Variants in SLC44A5 observed in about 807,000 individuals in gnomAD.
SLC44A5 encodes choline transporter-like protein 5.
In SLC44A5, 57 loss-of-function variants were observed where a neutral mutation model predicts 101.8. That is an observed-to-expected ratio of 0.56 (90% CI 0.45 to 0.70). SLC44A5 has a LOEUF of 0.70. SLC44A5 is among the 30% of genes least tolerant of loss of function. The probability of loss-of-function intolerance (pLI) is 0.00; values close to 1 mark genes in which losing one functional copy is unlikely to be tolerated. For synonymous variants in SLC44A5, 281 were observed against 290.9 expected (o/e 0.97, Z 0.35); for missense variants, 737 against 853.1 (o/e 0.86, Z 1.70).
At chr1:75,217,226 G>C (rs565003346) in intron 18 of SLC44A5, among the ~76,000 whole-genome samples, 1 of 152,032 alleles carries the variant, frequency 6.6e-6, no homozygotes, top group Non-Finnish European at 1.5e-5. Context: ...CCATTGAATG[G>C]TCTTATATGT....
chr1:75,302,335 A>G (rs997686843), intron 4 of SLC44A5, among the ~76,000 whole-genome samples: 3 of 151,926 alleles, frequency 2.0e-5, no homozygotes, highest in African/African-American at 7.3e-5. Flanking sequence ...CTTTAATTAG[A>G]AATCTTGCAT....
the SLC44A5 span, among the ~76,000 whole-genome samples, chr1:75,703,499 C>T: frequency 5.9e-5 from 8 of 135,244 alleles, no homozygotes; most frequent in South Asian, 2.6e-4. Flanking sequence ...CATCGCACAG[C>T]GGGGCCTGTT....
At chr1:75,685,873 G>A in the SLC44A5 span, among the ~76,000 whole-genome samples, 2 of 152,142 alleles carry the variant, frequency 1.3e-5, no homozygotes, top group Non-Finnish European at 2.9e-5. Flanking sequence ...ACATGAGACT[G>A]GGTAATTTAT....
At chr1:75,337,863 A>T (rs1389753100) in intron 4 of SLC44A5, among the ~76,000 whole-genome samples, 1 of 152,206 alleles carries the variant, frequency 6.6e-6, no homozygotes, top group Non-Finnish European at 1.5e-5. Context: ...GAATGCTGTA[A>T]GAGTCTGTCT....
intron 2 of SLC44A5, among the ~76,000 whole-genome samples, chr1:75,439,533 C>T (rs1307436661): frequency 6.6e-6 from 1 of 150,988 alleles, no homozygotes; most frequent in Non-Finnish European, 1.5e-5. Context: ...ACTGGGGCAA[C>T]ATAGTGAGAC....
At chr1:75,635,385 A>G in the SLC44A5 span, among the ~76,000 whole-genome samples, 21 of 152,184 alleles carry the variant, frequency 1.4e-4, no homozygotes, top group East Asian at 2.7e-3. Flanking sequence ...CACTATTCAC[A>G]ATAGCAAAGA....
chr1:75,482,296 G>A lies in SLC44A5; in HGVS notation c.13+59139C>T, dbSNP rs151203984. 8.8e-3 allele frequency among the ~76,000 whole-genome samples: 1,344 copies of A among 152,064 alleles called. 22 individuals carry two copies. Among genetic ancestry groups the A allele is most frequent in the African/African-American group, 0.03 (1,250 of 41,454 alleles). ...GGGGTGGGGGGACGGGGGAGGGATA[G>A]CATTAGGAGATATACCTAATGCTAA... On this transcript the variant is annotated intron_variant, in intron 2 of 23. Coordinates refer to ENST00000370859, the MANE Select transcript of SLC44A5 (RefSeq NM_001130058.2).
intron 1 of SLC44A5, among the ~76,000 whole-genome samples, chr1:75,581,006 A>C (rs998861770): frequency 6.6e-6 from 1 of 152,176 alleles, no homozygotes; most frequent in African/African-American, 2.4e-5. Flanking sequence ...ACTATCCATA[A>C]AGCCTAGCTA....
At chr1:75,717,185 C>T in the SLC44A5 span, among the ~76,000 whole-genome samples, 14 of 151,440 alleles carry the variant, frequency 9.2e-5, no homozygotes, top group East Asian at 1.4e-3. Flanking sequence ...GAACAGAAAA[C>T]GAAATATTGG....
the SLC44A5 span, among the ~76,000 whole-genome samples, chr1:75,690,661 A>G: frequency 6.6e-6 from 1 of 152,226 alleles, no homozygotes; most frequent in Admixed American, 6.5e-5. Context: ...GATTTGATCT[A>G]GGTTTTACCT....
At chr1:75,650,809 ATC>A in the SLC44A5 span, among the ~76,000 whole-genome samples, 1 of 152,110 alleles carries the variant, frequency 6.6e-6, no homozygotes, top group East Asian at 1.9e-4. Flanking sequence ...GTTGAGACTG[ATC>A]TGAAACTCCT....
At chr1:75,632,716 T>C in the SLC44A5 span, among the ~76,000 whole-genome samples, 1 of 152,222 alleles carries the variant, frequency 6.6e-6, no homozygotes. Flanking sequence ...CCACAGGGAA[T>C]ATTTGAGCAC....
intron 3 of SLC44A5, among the ~76,000 whole-genome samples, chr1:75,370,042 T>C (rs1660125350): frequency 6.6e-6 from 1 of 152,238 alleles, no homozygotes; most frequent in Non-Finnish European, 1.5e-5. Flanking sequence ...GGTTAGGCTT[T>C]TACACTAAGA....
At chr1:75,642,174 C>A in the SLC44A5 span, 1 of 653,072 alleles carries the variant, frequency 1.5e-6, no homozygotes. Context: ...AAGCATTCTC[C>A]TTATGTTAGC....
the SLC44A5 span, among the ~76,000 whole-genome samples, chr1:75,655,341 T>C: frequency 6.6e-6 from 1 of 152,140 alleles, no homozygotes; most frequent in Non-Finnish European, 1.5e-5. Context: ...CCAGGAAGAA[T>C]TCTTCAGGTG....
the SLC44A5 span, among the ~76,000 whole-genome samples, chr1:75,633,388 T>G: frequency 1.3e-5 from 2 of 152,228 alleles, no homozygotes; most frequent in African/African-American, 4.8e-5. Flanking sequence ...TATCCTCTTT[T>G]ATTTCATTGA....
At chr1:75,513,293 C>T (rs748861511) in intron 2 of SLC44A5, among the ~76,000 whole-genome samples, 8 of 152,272 alleles carry the variant, frequency 5.3e-5, no homozygotes, top group South Asian at 2.1e-4. Flanking sequence ...ATCCACTTGC[C>T]GGTATACACT....
Position 75,238,385 on chromosome 1 carries a change from CATAT to C in SLC44A5, c.656+124_656+127del, listed in dbSNP as rs71081318. On this transcript the variant is annotated intron_variant, in intron 10 of 23. Transcript: ENST00000370859. ...TCAATTCACAGTAACACGTATATTT[CATAT>C]ATATATATATATATATATATATATG... 425 of 215,526 alleles carry C rather than the reference CATAT, an allele frequency of 2.0e-3. 5 individuals are homozygous for C. The highest frequency in any genetic ancestry group is 8.7e-3 in the African/African-American group (333 of 38,450). The allele number at this position is 215,526 out of a possible 1,614,324, so 13.4% of individuals were successfully genotyped here. A position where few individuals can be genotyped will look rare whatever the true frequency, so the allele number is the denominator to read the frequency against.
chr1:75,597,241 CG>C (rs894350110), intron 1 of SLC44A5, among the ~76,000 whole-genome samples: 57 of 147,934 alleles, frequency 3.9e-4, no homozygotes, highest in African/African-American at 1.4e-3. Context: ...ATAAACCTAA[CG>C]GGGGGTGAAA....
Sources: allele counts gnomAD v4.1 joint callset (sites outside exome capture counted in the v4.1 genomes callset), GRCh38; gene constraint gnomAD v4.1.1; transcripts MANE v1.5; gene names NCBI Gene and HGNC (gene_info 2026-07-23, HGNC 2026-07-21).